The following NKAIN3 variants were observed in gnomAD, a reference collection of about 807,000 sequenced individuals.
NKAIN3 encodes the protein sodium/potassium-transporting ATPase subunit beta-1-interacting protein 3.
NKAIN3 carries 25 observed loss-of-function variants against 30.2 expected under a neutral mutation model. The ratio of observed to expected loss-of-function variants is 0.83; its 90% confidence interval spans 0.60 to 1.16. NKAIN3 has a LOEUF of 1.16. Among genes scored for constraint, NKAIN3 ranks in the 50% most tolerant of loss-of-function variants. The pLI is 0.00. For missense variants in NKAIN3, 225 were observed against 254.1 expected, an observed-to-expected ratio of 0.89 and a Z score of 0.78; for synonymous variants, 91 against 89.6, an observed-to-expected ratio of 1.02 and a Z score of -0.09.
chr8:62,573,841 G>A (rs827678), intron 1 of NKAIN3, among the ~76,000 whole-genome samples: 30,865 of 151,878 alleles, frequency 0.2, 3,266 homozygotes, highest in East Asian at 0.31. Context: ...AAGATAAATG[G>A]GGTATCCATC....
intron 1 of NKAIN3, among the ~76,000 whole-genome samples, chr8:62,486,532 A>C (rs1343975341): frequency 6.6e-6 from 1 of 152,122 alleles, no homozygotes; most frequent in East Asian, 1.9e-4. Flanking sequence ...TGTAAGTTTT[A>C]TGTCTGGTGT....
chr8:62,506,355 C>G (rs75394382), intron 1 of NKAIN3, among the ~76,000 whole-genome samples: 1 of 151,940 alleles, frequency 6.6e-6, no homozygotes, highest in Non-Finnish European at 1.5e-5. Context: ...ACACCCCTCC[C>G]GTAAAACAAC....
chr8:62,707,048 T>TACACACAC (rs1180494168), intron 3 of NKAIN3, among the ~76,000 whole-genome samples: 1 of 111,940 alleles, frequency 8.9e-6, no homozygotes, highest in African/African-American at 3.8e-5. Flanking sequence ...TATTCCATCA[T>TACACACAC]ACATACATAC....
At chr8:62,934,173 C>A (rs1822709975) in intron 5 of NKAIN3, among the ~76,000 whole-genome samples, 1 of 152,010 alleles carries the variant, frequency 6.6e-6, no homozygotes, top group Non-Finnish European at 1.5e-5. Flanking sequence ...TCTCTTGAGG[C>A]CAGAAGCTTG....
chr8:62,893,666 GCACACA>G (rs1483812849), intron 4 of NKAIN3, among the ~76,000 whole-genome samples: 6 of 151,788 alleles, frequency 4.0e-5, no homozygotes, highest in Middle Eastern at 3.4e-3. Context: ...GTGTGTGCGT[GCACACA>G]TATGCACATA....
At chr8:62,845,133 GA>G (rs1819639142) in intron 4 of NKAIN3, among the ~76,000 whole-genome samples, 1 of 151,428 alleles carries the variant, frequency 6.6e-6, no homozygotes, top group Admixed American at 6.6e-5. Context: ...TCATGTGTTG[GA>G]TTTTTTTAGG....
chr8:62,298,992 G>T (rs942298163), intron 1 of NKAIN3, among the ~76,000 whole-genome samples: 3 of 151,608 alleles, frequency 2.0e-5, no homozygotes, highest in African/African-American at 7.3e-5. Flanking sequence ...AATACAGCAG[G>T]TACTTCACAA....
intron 4 of NKAIN3, among the ~76,000 whole-genome samples, chr8:62,785,390 G>C (rs2130660514): frequency 6.6e-6 from 1 of 152,218 alleles, no homozygotes; most frequent in Non-Finnish European, 1.5e-5. Context: ...GAGACAGAAA[G>C]TAGATCAGTC....
chr8:62,473,990 CG>C (rs1313457531), intron 1 of NKAIN3: 1 of 152,066 alleles, frequency 6.6e-6, no homozygotes, highest in African/African-American at 2.4e-5. Flanking sequence ...TGTTTTGTAT[CG>C]AGCAACCTTA....
At chr8:62,508,019 G>A (rs1481122460) in intron 1 of NKAIN3, among the ~76,000 whole-genome samples, 4 of 152,192 alleles carry the variant, frequency 2.6e-5, no homozygotes, top group Non-Finnish European at 5.9e-5. Flanking sequence ...ACAGATATCC[G>A]TCAAAGGTAG....
intron 5 of NKAIN3, among the ~76,000 whole-genome samples, chr8:62,932,339 G>C (rs1294527093): frequency 6.6e-6 from 1 of 152,192 alleles, no homozygotes; most frequent in Non-Finnish European, 1.5e-5. Context: ...AAGTGAGGTA[G>C]GCAAATAATT....
intron 1 of NKAIN3, among the ~76,000 whole-genome samples, chr8:62,280,600 G>A (rs1334382699): frequency 6.6e-6 from 1 of 152,070 alleles, no homozygotes; most frequent in Non-Finnish European, 1.5e-5. Flanking sequence ...ATTGAATTTT[G>A]TCAAAGGCCT....
chr8:62,292,082 T>C (rs1210382954), intron 1 of NKAIN3, among the ~76,000 whole-genome samples: 2 of 152,170 alleles, frequency 1.3e-5, no homozygotes, highest in Non-Finnish European at 1.5e-5. Flanking sequence ...TTGTTTTCCA[T>C]TTGCTTGGTA....
intron 3 of NKAIN3, among the ~76,000 whole-genome samples, chr8:62,744,848 TG>T (rs1449433009): frequency 1.3e-5 from 2 of 152,190 alleles, no homozygotes; most frequent in African/African-American, 2.4e-5. Context: ...ATCAATAAAG[TG>T]CTACAACTGT....
chr8:62,562,919 G>T (rs1172140737), intron 1 of NKAIN3, among the ~76,000 whole-genome samples: 3 of 151,990 alleles, frequency 2.0e-5, no homozygotes, highest in Non-Finnish European at 4.4e-5. Flanking sequence ...GAAACTTTTG[G>T]CCCGTAACCC....
chr8:62,275,711 G>A (rs778586232), intron 1 of NKAIN3, among the ~76,000 whole-genome samples: 14 of 152,052 alleles, frequency 9.2e-5, no homozygotes, highest in Admixed American at 3.3e-4. Context: ...ATCACATTTG[G>A]CATATTACAA....
intron 3 of NKAIN3, among the ~76,000 whole-genome samples, chr8:62,612,689 T>G (rs1272301797): frequency 6.6e-6 from 1 of 152,086 alleles, no homozygotes; most frequent in East Asian, 1.9e-4. Flanking sequence ...CTTCCTTCTT[T>G]CTTTTCTTCT....
chr8:62,632,046 G>T (rs1279075722), intron 3 of NKAIN3, among the ~76,000 whole-genome samples: 3 of 152,098 alleles, frequency 2.0e-5, no homozygotes, highest in Admixed American at 2.0e-4. Flanking sequence ...GCCCCTTGTG[G>T]TACATTCAGA....
At chr8:62,958,874 GA>G (rs1823492975) in intron 6 of NKAIN3, among the ~76,000 whole-genome samples, 1 of 152,176 alleles carries the variant, frequency 6.6e-6, no homozygotes, top group Non-Finnish European at 1.5e-5. Context: ...TGGAATTCCA[GA>G]ACTGACTTCT....
Sources: gnomAD v4.1 joint callset for allele counts (sites outside exome capture counted in the v4.1 genomes callset) on GRCh38, gnomAD v4.1.1 for gene constraint, MANE v1.5 for transcripts, NCBI Gene and HGNC (gene_info 2026-07-23, HGNC 2026-07-21) for gene names.